ATP2B2: variants seen among roughly 807,000 people sequenced by gnomAD.
ATP2B2 encodes ATPase plasma membrane Ca2+ transporting 2.
In ATP2B2, 15 loss-of-function variants were observed where a neutral mutation model predicts 120.0. The ratio of observed to expected loss-of-function variants is 0.12; its 90% CI spans 0.08 to 0.19. The LOEUF (loss-of-function observed/expected upper bound fraction) is 0.19, where lower values mean the gene tolerates loss of function less well. ATP2B2 is among the 10% of genes least tolerant of loss of function. ATP2B2 has a pLI of 1.00. For missense variants in ATP2B2, 1,045 were observed against 1,719.8 expected (o/e 0.61, Z 6.94); for synonymous variants, 694 against 700.3 (o/e 0.99, Z 0.14).
intron 2 of ATP2B2, among the ~76,000 whole-genome samples, chr3:10,576,004 C>T (rs1053008201): frequency 6.6e-6 from 1 of 152,230 alleles, no homozygotes; most frequent in Non-Finnish European, 1.5e-5. Flanking sequence ...GCATGGATGG[C>T]CTCACTCCCC....
chr3:10,388,178 G>C (rs1268955053), intron 6 of ATP2B2, 99 bp downstream of exon 6: 3 of 1,571,748 alleles, frequency 1.9e-6, no homozygotes, highest in Non-Finnish European at 2.6e-6. Context: ...TGCGGACGTA[G>C]AAGGCACTCA....
chr3:10,374,555 A>AT (rs1337049296), intron 11 of ATP2B2, among the ~76,000 whole-genome samples: 2 of 152,222 alleles, frequency 1.3e-5, no homozygotes, highest in Non-Finnish European at 2.9e-5. Context: ...TTGCAGGGAC[A>AT]TTCTGGCATG....
chr3:10,445,851 C>A (rs74849597), intron 2 of ATP2B2, among the ~76,000 whole-genome samples: 5 of 152,104 alleles, frequency 3.3e-5, no homozygotes, highest in African/African-American at 1.2e-4. Flanking sequence ...ACAGCCCAGA[C>A]CACGGAGCTT....
intron 5 of ATP2B2, among the ~76,000 whole-genome samples, chr3:10,393,713 T>C (rs1051653139): frequency 6.6e-6 from 1 of 152,086 alleles, no homozygotes; most frequent in African/African-American, 2.4e-5. Flanking sequence ...CAGGGAACAC[T>C]GTGGTTTCCG....
rs549773138 is a variant in ATP2B2, at chr3:10,376,600, G to A, written c.1202-956C>T. On this transcript the variant is annotated intron_variant, in intron 10 of 22. Transcript: ENST00000360273. ...TCCCCCATCTGCTACAGGTGCTACTGCAGGTGCTGCGGAGACTGCTCACAC... is the reference window on the plus strand; with the variant it reads ...TCCCCCATCTGCTACAGGTGCTACTACAGGTGCTGCGGAGACTGCTCACAC... Among the ~76,000 whole-genome samples the A allele has an allele frequency of 1.2e-4, 18 of 152,320 alleles. No homozygotes were observed. The South Asian group carries it at 3.3e-3, about 28-fold the overall frequency.
intron 1 of ATP2B2, among the ~76,000 whole-genome samples, chr3:10,472,713 ACT>A (rs2065063068): frequency 6.6e-6 from 1 of 152,190 alleles, no homozygotes; most frequent in African/African-American, 2.4e-5. Flanking sequence ...ATCCTGGGGA[ACT>A]ACAGACAGGT....
At chr3:10,529,302 C>CAA (rs1171261662) in intron 3 of ATP2B2, among the ~76,000 whole-genome samples, 27 of 152,210 alleles carry the variant, frequency 1.8e-4, no homozygotes, top group Middle Eastern at 3.2e-3. Flanking sequence ...ACTCCCCTAT[C>CAA]CAACAACAGC....
intron 2 of ATP2B2, among the ~76,000 whole-genome samples, chr3:10,420,390 T>A (rs574037624): frequency 6.6e-6 from 1 of 150,704 alleles, no homozygotes; most frequent in East Asian, 2.0e-4. Context: ...AGACGAAGTC[T>A]CGCTCTTGTC....
rs747906558 is a variant in ATP2B2 at position 10,519,335 on chromosome 3, G to A, written c.-320+14704C>T. On this transcript the variant is annotated intron_variant, in intron 3 of 21. Transcript: ENST00000646379. ...GTCTGCAATAAAGTGGCCGAGGCGG[G>A]AGTGAATAATGAAGGTGCAATGTGC... 1.2e-4 allele frequency among the ~76,000 whole-genome samples: 18 copies of A among 152,220 alleles called. No individual in the cohort carries two copies. The East Asian group carries it at 3.3e-3, about 28-fold the overall frequency.
chr3:10,684,592 G>C (rs2071472113), intron 1 of ATP2B2, among the ~76,000 whole-genome samples: 1 of 152,226 alleles, frequency 6.6e-6, no homozygotes, highest in South Asian at 2.1e-4. Flanking sequence ...CCACTGATAT[G>C]CTATCTGTCT....
At chr3:10,391,766 T>A (rs1350125932) in intron 5 of ATP2B2, among the ~76,000 whole-genome samples, 2 of 152,172 alleles carry the variant, frequency 1.3e-5, no homozygotes, top group African/African-American at 4.8e-5. Context: ...CCTGTCTCCC[T>A]CCAGTTCCAA....
At chr3:10,598,670 G>A (rs1033877027) in intron 2 of ATP2B2, among the ~76,000 whole-genome samples, 2 of 152,226 alleles carry the variant, frequency 1.3e-5, no homozygotes, top group African/African-American at 4.8e-5. Flanking sequence ...AGCTCTAGGA[G>A]TATCTCTGGT....
At chr3:10,417,888 G>T (rs970884989) in intron 2 of ATP2B2, among the ~76,000 whole-genome samples, 3 of 152,198 alleles carry the variant, frequency 2.0e-5, no homozygotes, top group Non-Finnish European at 4.4e-5. Flanking sequence ...AGCATTCCTG[G>T]TTTGCTCCTC....
chr3:10,453,971 C>A (rs1320604237), intron 1 of ATP2B2, among the ~76,000 whole-genome samples: 2 of 151,338 alleles, frequency 1.3e-5, no homozygotes, highest in Middle Eastern at 3.4e-3. Flanking sequence ...CATCCATGCA[C>A]TCGCTCACTC....
intron 13 of ATP2B2, 41 bp from the exon 14 acceptor site, chr3:10,358,966 C>A: frequency 6.3e-7 from 1 of 1,596,098 alleles, no homozygotes; most frequent in Non-Finnish European, 8.5e-7. Context: ...CCAGGGAATG[C>A]TCCTTCTGAA....
At chr3:10,541,244 C>T (rs2067433098) in intron 2 of ATP2B2, among the ~76,000 whole-genome samples, 1 of 152,078 alleles carries the variant, frequency 6.6e-6, no homozygotes, top group African/African-American at 2.4e-5. Flanking sequence ...TTTTCTCTGT[C>T]ATTTTTTGGT....
At chr3:10,351,039 C>A (rs1373412381) in intron 14 of ATP2B2, among the ~76,000 whole-genome samples, 1 of 152,162 alleles carries the variant, frequency 6.6e-6, no homozygotes, top group Non-Finnish European at 1.5e-5. Flanking sequence ...CTTGGGGGGA[C>A]ATTTGCATTT....
At chr3:10,483,226 TA>T (rs1300057787) in intron 1 of ATP2B2, among the ~76,000 whole-genome samples, 1 of 152,208 alleles carries the variant, frequency 6.6e-6, no homozygotes, top group Non-Finnish European at 1.5e-5. Flanking sequence ...ACTGGTAGGA[TA>T]GGTGTGACAG....
chr3:10,408,002 C>T (rs937361443), intron 3 of ATP2B2, among the ~76,000 whole-genome samples: 1 of 152,184 alleles, frequency 6.6e-6, no homozygotes, highest in Non-Finnish European at 1.5e-5. Context: ...ACTCTGGTGC[C>T]TTCCAAGATG....
Sources: gnomAD v4.1 joint callset for allele counts (sites outside exome capture counted in the v4.1 genomes callset) on GRCh38, gnomAD v4.1.1 for gene constraint, MANE v1.5 for transcripts, NCBI Gene and HGNC (gene_info 2026-07-23, HGNC 2026-07-21) for gene names.